Variants in SLCO1C1 observed in about 807,000 individuals in gnomAD.
The protein encoded by SLCO1C1 is solute carrier organic anion transporter family member 1C1, also known as OAT-RP-5.
A neutral mutation model predicts 76.4 loss-of-function variants in SLCO1C1; 70 were observed. The observed-to-expected ratio is 0.92, with a 90% CI of 0.76 to 1.12. The LOEUF (loss-of-function observed/expected upper bound fraction) is 1.12, where lower values mean the gene tolerates loss of function less well. SLCO1C1 is among the 50% of genes most tolerant of loss of function. SLCO1C1 has a pLI of 0.00. For missense variants in SLCO1C1, 912 were observed against 823.8 expected, an observed-to-expected ratio of 1.11 and a Z score of -1.31; for synonymous variants, 306 against 286.1, an observed-to-expected ratio of 1.07 and a Z score of -0.70.
intron 9 of SLCO1C1, among the ~76,000 whole-genome samples, chr12:20,724,004 G>A (rs1947807017): frequency 6.6e-6 from 1 of 152,014 alleles, no homozygotes; most frequent in South Asian, 2.1e-4. Context: ...ACAGCCAAAT[G>A]TATTTTAGGA....
chr12:20,727,890 G>A (rs913582085), intron 9 of SLCO1C1, among the ~76,000 whole-genome samples: 1 of 152,104 alleles, frequency 6.6e-6, no homozygotes, highest in Non-Finnish European at 1.5e-5. Context: ...TTGTTGTTTC[G>A]TTTAAGTTCC....
At chr12:20,709,324 T>A (rs1053532210) in intron 4 of SLCO1C1, among the ~76,000 whole-genome samples, 1 of 152,200 alleles carries the variant, frequency 6.6e-6, no homozygotes. Context: ...GTATCACAGA[T>A]AGCAATTAGT....
chr12:20,726,056 G>C (rs140640545), intron 9 of SLCO1C1, among the ~76,000 whole-genome samples: 1 of 152,026 alleles, frequency 6.6e-6, no homozygotes. Context: ...CCGACTAAGC[G>C]TAAGTGGGCC....
chr12:20,752,827 A>G lies in SLCO1C1; in HGVS notation c.*299A>G, dbSNP rs1052665015. ...ATATATTAGCTGTACTCCTAGAAGA[A>G]CAATTGTCTCTATTGTCACACATGG... On this transcript the variant is annotated 3_prime_UTR_variant, in exon 15 of 15. Coordinates refer to ENST00000266509, the MANE Select transcript of SLCO1C1 (RefSeq NM_017435.5). The G allele has an allele frequency of 5.3e-6, 1 of 187,710 alleles. No homozygotes were observed. The highest frequency in any genetic ancestry group is 1.1e-5 in the Non-Finnish European group (1 of 91,772). The allele number at this position is 187,710 out of a possible 1,614,324, so 11.6% of individuals were successfully genotyped here.
chr12:20,752,378 T>G lies in SLCO1C1; in HGVS notation c.1989T>G (p.Ile663Met). ...SILLSIAVLF[I>M]LKKNYVSKHR... The stretch of plus-strand genomic sequence containing the variant: ...TCCTAAGCATTGCAGTACTTTTCAT[T>G]TTAAAGAAAAATTATGTTTCAAAAC... Residue 663 changes from isoleucine (I) to methionine (M), a missense_variant, in exon 15 of 15, where the codon ATT (isoleucine) becomes ATG (methionine). Physicochemically the swap from Ile to Met is conservative, Grantham distance 10 (BLOSUM62 1). Transcript: ENST00000266509. 1 of 1,613,446 alleles carries G rather than the reference T, an allele frequency of 6.2e-7. No individual in the cohort carries two copies. Among genetic ancestry groups the G allele is most frequent in the Non-Finnish European group, 8.5e-7 (1 of 1,179,598 alleles).
At chr12:20,726,256 T>A (rs1442276744) in intron 9 of SLCO1C1, among the ~76,000 whole-genome samples, 1 of 152,002 alleles carries the variant, frequency 6.6e-6, no homozygotes, top group East Asian at 1.9e-4. Flanking sequence ...TTCTTATTTT[T>A]TTTTTTTAAC....
chr12:20,696,132 C>T (rs1041942327), intron 1 of SLCO1C1, among the ~76,000 whole-genome samples: 4 of 152,062 alleles, frequency 2.6e-5, no homozygotes, highest in Non-Finnish European at 5.9e-5. Context: ...AGAAAAAGTA[C>T]GTACATTACT....
chr12:20,752,590 TA>T lies in SLCO1C1; in HGVS notation c.*64del. ...TGACATTTTGCAAACAAATAAATTG[TA>T]ATCAAAAGAGCTCTAAATTTGTAAT... On this transcript the variant is annotated 3_prime_UTR_variant, in exon 15 of 15. Transcript: ENST00000266509. 1.5e-6 allele frequency: 2 copies of T among 1,341,856 alleles called. No homozygotes were observed. Among genetic ancestry groups the T allele is most frequent in the African/African-American group, 1.5e-5 (1 of 68,000 alleles). The allele number at this position is 1,341,856 out of a possible 1,614,324, so 83.1% of individuals were successfully genotyped here. A position where few individuals can be genotyped will look rare whatever the true frequency, so the allele number is the denominator to read the frequency against.
chr12:20,747,536 C>A (rs969947900), intron 13 of SLCO1C1, among the ~76,000 whole-genome samples: 1 of 152,114 alleles, frequency 6.6e-6, no homozygotes, highest in African/African-American at 2.4e-5. Flanking sequence ...ATCATTCTGT[C>A]TGCTTTTGTG....
intron 7 of SLCO1C1, among the ~76,000 whole-genome samples, chr12:20,720,204 T>C (rs56161504): frequency 6.6e-6 from 1 of 152,050 alleles, no homozygotes; most frequent in African/African-American, 2.4e-5. Context: ...GGAAAAAAAA[T>C]ATATATATAT....
At chr12:20,716,926 C>T (rs1455759382) in intron 6 of SLCO1C1, among the ~76,000 whole-genome samples, 1 of 151,990 alleles carries the variant, frequency 6.6e-6, no homozygotes, top group Non-Finnish European at 1.5e-5. Flanking sequence ...ATATTTAATG[C>T]CTTAAAATTG....
intron 2 of SLCO1C1, 86 bp downstream of exon 2, chr12:20,699,791 G>T: frequency 2.2e-5 from 28 of 1,279,954 alleles, no homozygotes; most frequent in South Asian, 1.2e-4. Flanking sequence ...AATGAGAATT[G>T]TTTTCTCCTT....
intron 10 of SLCO1C1, among the ~76,000 whole-genome samples, chr12:20,735,942 G>A (rs1005311221): frequency 6.6e-6 from 1 of 152,080 alleles, no homozygotes; most frequent in African/African-American, 2.4e-5. Context: ...TGATTGTACA[G>A]TTCAGTGTAT....
Position 20,717,222 on chromosome 12 carries a change from T to C in SLCO1C1, c.767T>C (p.Val256Ala). 1 of 1,580,694 alleles carries C rather than the reference T, an allele frequency of 6.3e-7. No homozygotes were observed. The highest frequency in any genetic ancestry group is 8.5e-7 in the Non-Finnish European group (1 of 1,170,202). Reference sequence around the variant, plus strand: ...AAACTATATGTTGACATTGGCTTTGTAAACCTAGGTAAGGAAGTTTATTTT... The same window carrying C: ...AAACTATATGTTGACATTGGCTTTGCAAACCTAGGTAAGGAAGTTTATTTT... Reference protein sequence around the residue: ...CAKLYVDIGFVNLDHITITPK... With the variant: ...CAKLYVDIGFANLDHITITPK... Residue 256 changes from valine to alanine, a missense_variant, in exon 7 of 15, where the codon GTA becomes GCA. Transcript: ENST00000266509.
chr12:20,718,347 T>C (rs780423249), intron 7 of SLCO1C1, among the ~76,000 whole-genome samples: 2 of 152,226 alleles, frequency 1.3e-5, no homozygotes, highest in Non-Finnish European at 2.9e-5. Context: ...TAAAATGAAA[T>C]GTTTTCTAGG....
chr12:20,740,571 A>G (rs1000910609), intron 12 of SLCO1C1, among the ~76,000 whole-genome samples: 2 of 151,760 alleles, frequency 1.3e-5, no homozygotes, highest in Non-Finnish European at 2.9e-5. Context: ...TTAGTTAAAA[A>G]TGTTTGCAAA....
Position 20,752,604 on chromosome 12 carries a change from C to G in SLCO1C1, c.*76C>G. On this transcript the variant is annotated 3_prime_UTR_variant, in exon 15 of 15. Coordinates refer to ENST00000266509, the MANE Select transcript of SLCO1C1 (RefSeq NM_017435.5). ...CAAATAAATTGTAATCAAAAGAGCT[C>G]TAAATTTGTAATTTCTTTCTCCTTT... 8.0e-7 allele frequency: 1 copy of G among 1,256,334 alleles called. No homozygotes were observed. The highest frequency in any genetic ancestry group is 1.1e-6 in the Non-Finnish European group (1 of 924,202). The allele number at this position is 1,256,334 out of a possible 1,614,324, so 77.8% of individuals were successfully genotyped here. A position where few individuals can be genotyped will look rare whatever the true frequency, so the allele number is the denominator to read the frequency against.
chr12:20,750,925 T>C, intron 14 of SLCO1C1, 133 bp downstream of exon 14: 1 of 1,528,644 alleles, frequency 6.5e-7, no homozygotes, highest in Non-Finnish European at 9.0e-7. Flanking sequence ...AAAAGTGTGA[T>C]CTGTAGTCAT....
chr12:20,715,011 A>C, intron 5 of SLCO1C1, 128 bp from the exon 6 acceptor site: 1 of 1,150,182 alleles, frequency 8.7e-7, no homozygotes, highest in Non-Finnish European at 1.2e-6. Flanking sequence ...AACTCCCATC[A>C]AATTAAGACT....
Sources: allele counts gnomAD v4.1 joint callset (sites outside exome capture counted in the v4.1 genomes callset), GRCh38; gene constraint gnomAD v4.1.1; transcripts MANE v1.5; gene names NCBI Gene and HGNC (gene_info 2026-07-23, HGNC 2026-07-21).